PTPRG: variants seen among roughly 807,000 people sequenced by gnomAD.
PTPRG encodes receptor-type tyrosine-protein phosphatase gamma.
PTPRG carries 102 observed loss-of-function variants against 165.3 expected under a neutral mutation model. The observed-to-expected ratio is 0.62, with a 90% confidence interval of 0.53 to 0.73. The LOEUF (loss-of-function observed/expected upper bound fraction) is 0.73. Ranked by LOEUF, PTPRG falls within the 30% of genes least tolerant of loss-of-function variation. PTPRG has a pLI of 0.00. For missense variants in PTPRG, 1,866 were observed against 1,861.4 expected, an observed-to-expected ratio of 1.00 and a Z score of -0.05; for synonymous variants, 675 against 669.5, an observed-to-expected ratio of 1.01 and a Z score of -0.13.
intron 4 of PTPRG, among the ~76,000 whole-genome samples, chr3:62,036,527 A>T (rs1699944798): frequency 6.6e-6 from 1 of 152,200 alleles, no homozygotes. Flanking sequence ...ATGGTTTGTC[A>T]TGAAATCCAC....
At chr3:61,610,782 C>CCT in intron 1 of PTPRG, among the ~76,000 whole-genome samples, 1 of 141,660 alleles carries the variant, frequency 7.1e-6, no homozygotes, top group East Asian at 2.1e-4. Context: ...TACCTCCCTC[C>CCT]CTCTCTCTCT....
At chr3:61,901,665 T>G (rs1198132185) in intron 2 of PTPRG, among the ~76,000 whole-genome samples, 3 of 152,224 alleles carry the variant, frequency 2.0e-5, no homozygotes, top group Admixed American at 1.3e-4. Context: ...GCATCCCAGA[T>G]TCTTCAATCC....
At chr3:61,875,894 C>T (rs1392018672) in intron 2 of PTPRG, among the ~76,000 whole-genome samples, 2 of 152,136 alleles carry the variant, frequency 1.3e-5, no homozygotes, top group Non-Finnish European at 2.9e-5. Flanking sequence ...AGGTGAGGGA[C>T]CCAACTGGGC....
chr3:61,709,642 A>T (rs1363526775), intron 1 of PTPRG, among the ~76,000 whole-genome samples: 2 of 152,186 alleles, frequency 1.3e-5, no homozygotes, highest in Non-Finnish European at 2.9e-5. Context: ...AAATGGTTCC[A>T]TAAATACCTA....
intron 5 of PTPRG, among the ~76,000 whole-genome samples, chr3:62,104,613 G>T (rs1281953303): frequency 6.6e-6 from 1 of 152,210 alleles, no homozygotes; most frequent in Non-Finnish European, 1.5e-5. Flanking sequence ...GTGGAGAAAT[G>T]TAGACTAGTA....
chr3:62,214,387 GGCAACATTCTAAGTGTTTTGTAT>G lies in PTPRG; in HGVS notation c.2156-4460_2156-4438del, dbSNP rs1461214573. Among the ~76,000 whole-genome samples, 1 of 152,182 alleles carries G rather than the reference GGCAACATTCTAAGTGTTTTGTAT, an allele frequency of 6.6e-6. No individual in the cohort carries two copies. Among genetic ancestry groups the G allele is most frequent in the Non-Finnish European group, 1.5e-5 (1 of 68,030 alleles). On this transcript the variant is annotated intron_variant, in intron 12 of 29. Transcript: ENST00000474889. The surrounding 1 kb of genome is among the most constrained non-coding windows in gnomAD (Gnocchi z 5.2). ...AATAGTTAACATTAACCAGGTGCCA[GGCAACATTCTAAGTGTTTTGTAT>G]GCATTAACTCATTTAATCTTCATCC...
chr3:62,148,392 T>C (rs1228990921), intron 6 of PTPRG, among the ~76,000 whole-genome samples: 1 of 152,190 alleles, frequency 6.6e-6, no homozygotes, highest in Non-Finnish European at 1.5e-5. Context: ...GGAGTCTGGA[T>C]TTTATTCTAA....
chr3:61,855,880 C>G (rs1376329159), intron 2 of PTPRG, among the ~76,000 whole-genome samples: 2 of 151,970 alleles, frequency 1.3e-5, no homozygotes, highest in Non-Finnish European at 2.9e-5. Context: ...GCAACAGCCA[C>G]TAGATGTCAA....
At chr3:61,648,522 G>A (rs1259149894) in intron 1 of PTPRG, among the ~76,000 whole-genome samples, 2 of 152,350 alleles carry the variant, frequency 1.3e-5, no homozygotes, top group East Asian at 1.9e-4. Flanking sequence ...AAATACCTCA[G>A]TTCCTCTGTC....
intron 2 of PTPRG, among the ~76,000 whole-genome samples, chr3:61,884,936 A>G (rs1318791370): frequency 6.6e-6 from 1 of 152,200 alleles, no homozygotes; most frequent in Non-Finnish European, 1.5e-5. Context: ...AAGCTAAGGA[A>G]AGTGGGATGC....
chr3:61,832,191 A>C (rs993149355), intron 2 of PTPRG, among the ~76,000 whole-genome samples: 1 of 152,250 alleles, frequency 6.6e-6, no homozygotes, highest in Admixed American at 6.5e-5. Flanking sequence ...TGTAATGGGC[A>C]CATTCTCCCC....
chr3:62,019,229 A>G (rs1026731948), intron 4 of PTPRG, among the ~76,000 whole-genome samples: 1 of 152,172 alleles, frequency 6.6e-6, no homozygotes, highest in Non-Finnish European at 1.5e-5. Context: ...TTCTATCAAA[A>G]ACAATTCCTC....
chr3:61,780,545 T>G (rs1559608024), intron 2 of PTPRG, among the ~76,000 whole-genome samples: 1 of 152,334 alleles, frequency 6.6e-6, no homozygotes, highest in Non-Finnish European at 1.5e-5. Context: ...TCAGTATTAA[T>G]ATCTTCCTTA....
chr3:61,795,395 C>T (rs1365381080), intron 2 of PTPRG, among the ~76,000 whole-genome samples: 2 of 152,014 alleles, frequency 1.3e-5, no homozygotes, highest in Non-Finnish European at 2.9e-5. Context: ...ATAATCCCAG[C>T]ACTTTGGGAG....
At chr3:61,594,677 T>C (rs1332295755) in intron 1 of PTPRG, among the ~76,000 whole-genome samples, 1 of 152,146 alleles carries the variant, frequency 6.6e-6, no homozygotes, top group Non-Finnish European at 1.5e-5. Flanking sequence ...CCAGGTCCTT[T>C]GTTTGAACCT....
intron 1 of PTPRG, among the ~76,000 whole-genome samples, chr3:61,665,255 T>C (rs1344270867): frequency 1.3e-5 from 2 of 152,190 alleles, no homozygotes; most frequent in Non-Finnish European, 2.9e-5. Flanking sequence ...GCTGGCCTTC[T>C]GCAGTACTCG....
At chr3:61,784,461 G>C (rs2034635803) in intron 2 of PTPRG, among the ~76,000 whole-genome samples, 1 of 152,204 alleles carries the variant, frequency 6.6e-6, no homozygotes, top group Non-Finnish European at 1.5e-5. Flanking sequence ...TTGTGTGAGT[G>C]AGTCAAATGA....
At chr3:62,131,378 G>A (rs993967544) in intron 5 of PTPRG, among the ~76,000 whole-genome samples, 2 of 152,314 alleles carry the variant, frequency 1.3e-5, no homozygotes, top group African/African-American at 2.4e-5. Flanking sequence ...TGTGTGCAGT[G>A]TGTGTTATTG....
At chr3:62,097,093 A>G (rs919131942) in intron 5 of PTPRG, among the ~76,000 whole-genome samples, 26 of 142,610 alleles carry the variant, frequency 1.8e-4, no homozygotes, top group African/African-American at 6.5e-4. Context: ...GCCAGCCATT[A>G]CTATTATCAC....
Sources: allele counts gnomAD v4.1 joint callset (sites outside exome capture counted in the v4.1 genomes callset), GRCh38; gene constraint gnomAD v4.1.1; non-coding constraint Gnocchi (gnomAD v3.1); transcripts MANE v1.5; gene names NCBI Gene and HGNC (gene_info 2026-07-23, HGNC 2026-07-21).